The following ZNF384 variants were observed in gnomAD, a reference collection of about 807,000 sequenced individuals.
ZNF384 encodes CAG repeat protein 1.
In ZNF384, 20 loss-of-function variants were observed where a neutral mutation model predicts 65.0. The ratio of observed to expected loss-of-function variants is 0.31; its 90% CI spans 0.22 to 0.45. ZNF384 has a LOEUF of 0.45. Ranked by LOEUF, ZNF384 falls within the 20% of genes least tolerant of loss-of-function variation. ZNF384 has a pLI of 1.00. For synonymous variants in ZNF384, 310 were observed against 303.9 expected, an observed-to-expected ratio of 1.02 and a Z score of -0.21; for missense variants, 549 against 769.4, an observed-to-expected ratio of 0.71 and a Z score of 3.39.
rs1316625500 is a variant in ZNF384, at chr12:6,678,574, C to T, written c.352+89G>A. 4.5e-6 allele frequency: 7 copies of T among 1,558,344 alleles called. No homozygotes were observed. Among genetic ancestry groups the T allele is most frequent in the Admixed American group, 3.5e-5 (2 of 57,932 alleles). Reference sequence around the variant, plus strand: ...ACCCCTCACCCCCCCGCCGACCCAACCCAGAGTACACAGGAAATCCCAAAC... The same window carrying T: ...ACCCCTCACCCCCCCGCCGACCCAATCCAGAGTACACAGGAAATCCCAAAC... On this transcript the variant is annotated intron_variant, in intron 5 of 11. Coordinates refer to ENST00000683879, the MANE Select transcript of ZNF384 (RefSeq NM_001385745.1). This position sits in a 1 kb window ranked among gnomAD's most constrained non-coding sequence, Gnocchi z 4.9.
intron 11 of ZNF384, 105 bp downstream of exon 11, chr12:6,668,926 G>T: frequency 8.1e-7 from 1 of 1,242,186 alleles, no homozygotes; most frequent in East Asian, 2.6e-5. Context: ...TTGGAGCTAG[G>T]GAGGCAGGGT....
rs1473527339 is a variant in ZNF384, at chr12:6,679,036, T to G, written c.214A>C (p.Lys72Gln). 1.2e-6 allele frequency: 2 copies of G among 1,613,896 alleles called. No homozygotes were observed. The highest frequency in any genetic ancestry group is 2.7e-5 in the African/African-American group (2 of 74,872). ...CTGTGTGGGGTCAGCTGGTCTGACTTGGACTCTGTGTCCATACTGATGCCT... is the reference window on the plus strand; with the variant it reads ...CTGTGTGGGGTCAGCTGGTCTGACTGGGACTCTGTGTCCATACTGATGCCT... ...PSGISMDTES[K>Q]SDQLTPHSQA... Residue 72 changes from lysine to glutamine, a missense_variant, in exon 4 of 12, where the codon AAG becomes CAG. Transcript: ENST00000683879.
intron 7 of ZNF384, among the ~76,000 whole-genome samples, chr12:6,676,314 T>A (rs952857917): frequency 4.6e-5 from 7 of 151,954 alleles, no homozygotes; most frequent in Admixed American, 4.6e-4. Flanking sequence ...AAAAAAAAAA[T>A]TTCTTTGGAA....
rs926328401 is a variant in ZNF384, at chr12:6,667,799, G to A, written c.1742C>T (p.Pro581Leu). 1.2e-6 allele frequency: 2 copies of A among 1,614,178 alleles called. No individual in the cohort carries two copies. Among genetic ancestry groups the A allele is most frequent in the Non-Finnish European group, 1.7e-6 (2 of 1,180,028 alleles). Residue 581 changes from proline to leucine, a missense_variant, in exon 12 of 12, where the codon CCG (proline) becomes CTG (leucine). Pro to Leu is a moderately conservative substitution (Grantham distance 98). Around this residue, in one of 5 missense-constraint regions of ZNF384, gnomAD observed 136 missense variants for 183.0 expected, o/e 0.74. Transcript: ENST00000683879. ...CTTATGATGCTCCGCCGTCTTATAC[G>A]GGGTCAGGTCAAAGGAACACTGGGG... Reference protein sequence around the residue: ...PPPQCSFDLTPYKTAEHHKDI... With the variant: ...PPPQCSFDLTLYKTAEHHKDI...
chr12:6,676,690 A>G (rs1953744487), intron 7 of ZNF384, among the ~76,000 whole-genome samples: 1 of 152,206 alleles, frequency 6.6e-6, no homozygotes, highest in South Asian at 2.1e-4. Context: ...CAAACACATA[A>G]AAATCTAGAT....
chr12:6,679,935 CTCTT>C (rs1397537746), intron 2 of ZNF384, among the ~76,000 whole-genome samples: 1 of 152,212 alleles, frequency 6.6e-6, no homozygotes, highest in African/African-American at 2.4e-5. Context: ...AGCATGACTC[CTCTT>C]TCTCTTATTC....
chr12:6,676,518 G>C (rs1036132592), intron 7 of ZNF384, among the ~76,000 whole-genome samples: 18 of 152,210 alleles, frequency 1.2e-4, no homozygotes, highest in Non-Finnish European at 2.4e-4. Flanking sequence ...ATACAGTTTG[G>C]AAAGTCCAGA....
Position 6,678,612 on chromosome 12 carries a change from T to TA in ZNF384, c.352+50dup. 6.3e-7 allele frequency: 1 copy of TA among 1,575,148 alleles called. No individual in the cohort carries two copies. Among genetic ancestry groups the TA allele is most frequent in the Non-Finnish European group, 8.6e-7 (1 of 1,160,796 alleles). Reference sequence around the variant, plus strand: ...GGAAATCCCAAACCCTGTAGAAAAATAATGGTCTCCTAACCCTTGTCCCCA... The same window carrying TA: ...GGAAATCCCAAACCCTGTAGAAAAATAAATGGTCTCCTAACCCTTGTCCCCA... On this transcript the variant is annotated intron_variant, in intron 5 of 11. Transcript: ENST00000683879. This position sits in a 1 kb window ranked among gnomAD's most constrained non-coding sequence, Gnocchi z 4.9.
At chr12:6,677,043 T>G (rs1953911156) in intron 7 of ZNF384, 124 bp downstream of exon 7, 1 of 327,408 alleles carries the variant, frequency 3.1e-6, no homozygotes, top group Non-Finnish European at 6.0e-6. Flanking sequence ...TTAACTTTCT[T>G]TTGAAGTTCC....
Position 6,669,625 on chromosome 12 carries a change from A to C in ZNF384, c.1267-436T>G, listed in dbSNP as rs1285784377. Among the ~76,000 whole-genome samples, 4 of 152,004 alleles carry C rather than the reference A, an allele frequency of 2.6e-5. No homozygotes were observed. In the East Asian group the frequency reaches 7.7e-4, roughly 29 times the overall value. On this transcript the variant is annotated intron_variant, in intron 10 of 11. Transcript: ENST00000683879. Reference sequence around the variant, plus strand: ...AGCGATTCTCCTGCCTCAGCCTGCAAGTAGCTGGGACTACAGGCACATGCC... The same window carrying C: ...AGCGATTCTCCTGCCTCAGCCTGCACGTAGCTGGGACTACAGGCACATGCC...
chr12:6,677,467 G>A (rs1050394277), intron 6 of ZNF384, among the ~76,000 whole-genome samples: 7 of 152,172 alleles, frequency 4.6e-5, no homozygotes, highest in African/African-American at 9.7e-5. Context: ...CAAAGGGCAG[G>A]GAGTTTACTT....
intron 2 of ZNF384, among the ~76,000 whole-genome samples, chr12:6,682,818 A>C (rs1956528399): frequency 6.6e-6 from 1 of 152,202 alleles, no homozygotes; most frequent in Non-Finnish European, 1.5e-5. Flanking sequence ...CGACTTTATC[A>C]CCTAAGACAC....
chr12:6,672,164 A>G lies in ZNF384; in HGVS notation c.1187+186T>C. On this transcript the variant is annotated intron_variant, in intron 9 of 11. Coordinates refer to ENST00000683879, the MANE Select transcript of ZNF384 (RefSeq NM_001385745.1). The surrounding 1 kb of genome is among the most constrained non-coding windows in gnomAD (Gnocchi z 4.4). ...CTCCCCGACGTAGCTCTTGCCCCAGAGAAGCTCTGTGTCCACTTGAATCTC... is the reference window on the plus strand; with the variant it reads ...CTCCCCGACGTAGCTCTTGCCCCAGGGAAGCTCTGTGTCCACTTGAATCTC... 3.2e-6 allele frequency: 2 copies of G among 616,154 alleles called. No individual in the cohort carries two copies. The highest frequency in any genetic ancestry group is 5.6e-5 in the East Asian group (2 of 35,476). The allele number at this position is 616,154 out of a possible 1,614,324, so 38.2% of individuals were successfully genotyped here. A position where few individuals can be genotyped will look rare whatever the true frequency, so the allele number is the denominator to read the frequency against.
At chr12:6,670,931 T>A in intron 9 of ZNF384, 93 bp from the exon 10 acceptor site, 1 of 1,145,870 alleles carries the variant, frequency 8.7e-7, no homozygotes, top group South Asian at 1.3e-5. Context: ...CCTGCTCTCC[T>A]AAGGAGGCAC....
intron 7 of ZNF384, among the ~76,000 whole-genome samples, chr12:6,674,551 C>T (rs1437896553): frequency 6.6e-6 from 1 of 152,310 alleles, no homozygotes; most frequent in South Asian, 2.1e-4. Flanking sequence ...GCACTTTTTT[C>T]ATCTCAGGAG....
In ZNF384 at chr12:6,678,249, A is replaced by C. The variant is rs771191838; in HGVS notation, c.564T>G (p.Pro188=). The change falls in exon 6 of 12, where the codon CCT becomes CCG. Residue 188 remains proline (P), a synonymous_variant. Coordinates refer to ENST00000683879, the MANE Select transcript of ZNF384 (RefSeq NM_001385745.1). The surrounding 1 kb of genome is among the most constrained non-coding windows in gnomAD (Gnocchi z 4.9). ...TCTTCTTCCGGCCCCGGGGTGGCTT[A>C]GGAGCCACACTGCCACCTCCACCAC... ...GGGGGGGSVA[P]KPPRGRKKKR... is the part of the protein sequence containing the mutation. The C allele has an allele frequency of 6.2e-7, 1 of 1,614,114 alleles. No individual in the cohort carries two copies.
rs1177672073 is a variant in ZNF384 at position 6,672,457 on chromosome 12, G to C, written c.1080C>G (p.Thr360=). The part of the protein sequence containing the change: ...CPHCSKTFAN[T]SYLAQHLRIH... ...TACGGAGGTGCTGGGCCAGGTAGGA[G>C]GTGTTGGCGAAGGTCTTGGAGCAGT... The change falls in exon 9 of 12, where the codon ACC becomes ACG. Residue 360 remains threonine, a synonymous_variant. Coordinates refer to ENST00000683879, the MANE Select transcript of ZNF384 (RefSeq NM_001385745.1). This position sits in a 1 kb window ranked among gnomAD's most constrained non-coding sequence, Gnocchi z 4.4. The C allele has an allele frequency of 1.2e-6, 2 of 1,614,092 alleles. No individual in the cohort carries two copies. Among genetic ancestry groups the C allele is most frequent in the East Asian group, 4.5e-5 (2 of 44,904 alleles).
intron 3 of ZNF384, 69 bp downstream of exon 3, chr12:6,679,386 C>T: frequency 6.9e-7 from 1 of 1,452,292 alleles, no homozygotes; most frequent in East Asian, 2.3e-5. Flanking sequence ...ATGTGGTGTA[C>T]CTTCAGTCTC....
chr12:6,668,154 G>A (rs1010295893), intron 11 of ZNF384, 39 bp from the exon 12 acceptor site: 9 of 1,524,756 alleles, frequency 5.9e-6, no homozygotes, highest in African/African-American at 1.4e-5. Context: ...GGATAAAGAG[G>A]AAGGAAAAGA....
Sources: allele counts gnomAD v4.1 joint callset (sites outside exome capture counted in the v4.1 genomes callset), GRCh38; gene constraint gnomAD v4.1.1; regional missense constraint gnomAD v4.1.1; non-coding constraint Gnocchi (gnomAD v3.1); transcripts MANE v1.5; gene names NCBI Gene and HGNC (gene_info 2026-07-23, HGNC 2026-07-21).